Variants in TET2 observed in about 807,000 individuals in gnomAD.
TET2 encodes the protein methylcytosine dioxygenase TET2.
Under a neutral mutation model 142.9 loss-of-function variants are expected in TET2, and 299 were observed. The ratio of observed to expected loss-of-function variants is 2.09; its 90% confidence interval spans 1.90 to 2.30. The LOEUF is 2.30. Among genes scored for constraint, TET2 ranks in the 30% most tolerant of loss-of-function variants. TET2 has a pLI of 0.00. For missense variants in TET2, 2,418 were observed against 2,378.0 expected (o/e 1.02, Z -0.35); for synonymous variants, 819 against 849.0 (o/e 0.96, Z 0.61).
chr4:105,214,301 A>AGTTT (rs1727347408), intron 2 of TET2, among the ~76,000 whole-genome samples: 1 of 86,034 alleles, frequency 1.2e-5, no homozygotes, highest in African/African-American at 4.8e-5. Context: ...CCCGAGGGAG[A>AGTTT]TTTTTTTTTT....
intron 6 of TET2, among the ~76,000 whole-genome samples, chr4:105,258,720 T>TATATCACAA (rs1491501082): frequency 6.6e-6 from 1 of 152,198 alleles, no homozygotes; most frequent in Non-Finnish European, 1.5e-5. Flanking sequence ...ATTATTTACT[T>TATATCACAA]ATATCACAAT....
rs1456238164 is a variant in TET2, at chr4:105,259,633, G to A, written c.3818G>A (p.Cys1273Tyr). 1.3e-6 allele frequency: 2 copies of A among 1,550,918 alleles called. No homozygotes were observed. Among genetic ancestry groups the A allele is most frequent in the Non-Finnish European group, 1.7e-6 (2 of 1,146,404 alleles). Reference sequence around the variant, plus strand: ...TGATTTTTCAGGAGAACTTGCGCCTGTCAGGGGCTGGATCCAGAAACCTGT... The same window carrying A: ...TGATTTTTCAGGAGAACTTGCGCCTATCAGGGGCTGGATCCAGAAACCTGT... ...CALNEERTCACQGLDPETCGA... is the reference protein window; with the variant it reads ...CALNEERTCAYQGLDPETCGA... Residue 1273 changes from cysteine (C) to tyrosine (Y), a missense_variant, in exon 7 of 11, where the codon TGT becomes TAT. Cys to Tyr is a radical substitution (Grantham distance 194). Transcript: ENST00000380013.
At chr4:105,250,150 CTG>C (rs569750656) in intron 6 of TET2, among the ~76,000 whole-genome samples, 108 of 152,176 alleles carry the variant, frequency 7.1e-4, no homozygotes, top group Admixed American at 1.3e-3. Flanking sequence ...TGTTAAAAGA[CTG>C]TTTTTTTTCA....
chr4:105,174,425 A>G (rs987301005), intron 1 of TET2, among the ~76,000 whole-genome samples: 1 of 152,232 alleles, frequency 6.6e-6, no homozygotes, highest in African/African-American at 2.4e-5. Flanking sequence ...CACAACAAGT[A>G]AAAAGCTGAA....
At chr4:105,168,189 A>G (rs1724263442) in intron 1 of TET2, among the ~76,000 whole-genome samples, 1 of 152,162 alleles carries the variant, frequency 6.6e-6, no homozygotes, top group African/African-American at 2.4e-5. Flanking sequence ...AAGTCAGGTC[A>G]TGCCTCTCCT....
Position 105,276,963 on chromosome 4 carries a change from A to G in TET2, c.*444A>G, listed in dbSNP as rs1453130149. On this transcript the variant is annotated 3_prime_UTR_variant, in exon 11 of 11. Transcript: ENST00000380013. ...ACAGTGACAGGAATCTTAAAATACC[A>G]TCTGGTGCTGAATATATGATGTACT... The G allele has an allele frequency of 2.5e-5, 6 of 237,510 alleles. No individual in the cohort carries two copies. Among genetic ancestry groups the G allele is most frequent in the Non-Finnish European group, 4.1e-5 (5 of 120,942 alleles). The allele number at this position is 237,510 out of a possible 1,614,324, so 14.7% of individuals were successfully genotyped here.
intron 8 of TET2, among the ~76,000 whole-genome samples, chr4:105,268,956 G>A (rs541090529): frequency 4.6e-5 from 7 of 152,300 alleles, no homozygotes; most frequent in African/African-American, 1.4e-4. Context: ...CTGGGTGACA[G>A]AGTGGGACTC....
intron 1 of TET2, among the ~76,000 whole-genome samples, chr4:105,157,933 T>C (rs1723648572): frequency 6.6e-6 from 1 of 152,178 alleles, no homozygotes; most frequent in South Asian, 2.1e-4. Context: ...CCCTTCTGCT[T>C]CCTAAAGTGC....
intron 2 of TET2, among the ~76,000 whole-genome samples, chr4:105,224,719 T>TCTCTCTCC (rs1728077168): frequency 1.3e-5 from 2 of 150,614 alleles, no homozygotes; most frequent in Admixed American, 6.7e-5. Context: ...TCTCTCTCTC[T>TCTCTCTCC]CTCTCTCTGT....
intron 6 of TET2, among the ~76,000 whole-genome samples, chr4:105,245,760 G>A (rs1729555340): frequency 6.6e-6 from 1 of 152,158 alleles, no homozygotes; most frequent in Admixed American, 6.6e-5. Flanking sequence ...ATTGGTAATA[G>A]CATTTCTTTC....
intron 9 of TET2, among the ~76,000 whole-genome samples, chr4:105,272,341 G>C (rs1731002879): frequency 6.6e-6 from 1 of 152,158 alleles, no homozygotes; most frequent in Non-Finnish European, 1.5e-5. Flanking sequence ...CTCAGAGAAA[G>C]GGTGGGTGGG....
chr4:105,185,196 C>T (rs10010325), intron 1 of TET2, among the ~76,000 whole-genome samples: 24 of 151,016 alleles, frequency 1.6e-4, no homozygotes, highest in Non-Finnish European at 2.5e-4. Context: ...CATTTTTGAA[C>T]GAAAACTTGT....
chr4:105,166,140 A>G (rs1326426447), intron 1 of TET2, among the ~76,000 whole-genome samples: 2 of 152,192 alleles, frequency 1.3e-5, no homozygotes, highest in Non-Finnish European at 2.9e-5. Context: ...ATTGTAATAA[A>G]TAAAATTCAC....
chr4:105,239,414 ATCT>A (rs1159939035), intron 3 of TET2: 1 of 240,372 alleles, frequency 4.2e-6, no homozygotes, highest in African/African-American at 2.2e-5. Flanking sequence ...TCTTAGCTAG[ATCT>A]TCTGCATAAC....
chr4:105,264,023 C>G (rs1397014045), intron 8 of TET2, among the ~76,000 whole-genome samples: 1 of 151,868 alleles, frequency 6.6e-6, no homozygotes, highest in Admixed American at 6.6e-5. Context: ...TTAGTTTACA[C>G]AGCAGACATG....
chr4:105,279,140 GT>G lies in TET2; in HGVS notation c.*2627del, dbSNP rs1212966019. On this transcript the variant is annotated 3_prime_UTR_variant, in exon 11 of 11. Transcript: ENST00000380013. Reference sequence around the variant, plus strand: ...TGCTTACAAACCACATGATTTTAATGTTTTTTGTATACCATAATATCTAGCC... The same window carrying G: ...TGCTTACAAACCACATGATTTTAATGTTTTTGTATACCATAATATCTAGCC... 1 of 232,320 alleles carries G rather than the reference GT, an allele frequency of 4.3e-6. No homozygotes were observed. The highest frequency in any genetic ancestry group is 5.6e-5 in the Admixed American group (1 of 17,744). The allele number at this position is 232,320 out of a possible 1,614,324, so 14.4% of individuals were successfully genotyped here. A position where few individuals can be genotyped will look rare whatever the true frequency, so the allele number is the denominator to read the frequency against.
At chr4:105,244,833 G>A (rs900409020) in intron 6 of TET2, among the ~76,000 whole-genome samples, 2 of 152,116 alleles carry the variant, frequency 1.3e-5, no homozygotes, top group Admixed American at 1.3e-4. Context: ...GACCTCAGGT[G>A]ATTGCCCACC....
chr4:105,166,384 ATTC>A (rs1429445786), intron 1 of TET2, among the ~76,000 whole-genome samples: 1 of 151,838 alleles, frequency 6.6e-6, no homozygotes, highest in African/African-American at 2.4e-5. Flanking sequence ...GCATTTTTTT[ATTC>A]TTGTTGACAG....
At position 105,234,961 on chromosome 4, in the gene TET2, TCCAGGGAA is replaced by T; in HGVS notation, c.1023_1030del (p.Gln341HisfsTer7). The T allele has an allele frequency of 6.2e-7, 1 of 1,613,914 alleles. No individual in the cohort carries two copies. On this transcript the variant is annotated frameshift_variant, in exon 3 of 11. Coordinates refer to ENST00000380013, the MANE Select transcript of TET2 (RefSeq NM_001127208.3). LOFTEE classifies it high-confidence loss of function. ...TGCCCATCTCCTGCAGAAAATAACA[TCCAGGGAA>T]CCACAAAGCTAGCGTCTGGTGAAGA... is the stretch of plus-strand genomic sequence containing the variant.
Sources: allele counts gnomAD v4.1 joint callset (sites outside exome capture counted in the v4.1 genomes callset), GRCh38; gene constraint gnomAD v4.1.1; transcripts MANE v1.5; gene names NCBI Gene and HGNC (gene_info 2026-07-23, HGNC 2026-07-21).